The following CLASP1 variants were observed in gnomAD, a reference collection of about 807,000 sequenced individuals.
CLASP1 encodes the protein CLIP-associating protein 1.
A neutral mutation model predicts 192.3 loss-of-function variants in CLASP1; 38 were observed. The observed-to-expected ratio is 0.20, with a 90% CI of 0.15 to 0.26. The LOEUF is 0.26. Among genes scored for constraint, CLASP1 ranks in the 10% least tolerant of loss-of-function variants. The pLI is 1.00. For synonymous variants in CLASP1, 691 were observed against 712.8 expected (o/e 0.97, Z 0.49); for missense variants, 1,433 against 1,932.5 (o/e 0.74, Z 4.85).
intron 2 of CLASP1, among the ~76,000 whole-genome samples, chr2:121,538,240 C>T (rs1043598707): frequency 1.1e-4 from 13 of 118,642 alleles, no homozygotes; most frequent in African/African-American, 5.7e-4. Context: ...ATGGAGAAAC[C>T]CCGTCTCTAA....
intron 8 of CLASP1, among the ~76,000 whole-genome samples, chr2:121,474,527 G>A (rs1226355290): frequency 6.6e-6 from 1 of 152,174 alleles, no homozygotes; most frequent in East Asian, 1.9e-4. Flanking sequence ...ACGAGGTCAG[G>A]AGATAGAGAC....
chr2:121,478,739 A>C (rs1377165457), intron 8 of CLASP1, among the ~76,000 whole-genome samples: 19 of 60,380 alleles, frequency 3.1e-4, no homozygotes, highest in East Asian at 5.1e-4. Flanking sequence ...CCACACACAC[A>C]CCCCACACAC....
intron 19 of CLASP1, among the ~76,000 whole-genome samples, chr2:121,438,101 G>GT (rs1283509550): frequency 2.0e-5 from 3 of 152,158 alleles, no homozygotes; most frequent in South Asian, 2.1e-4. Flanking sequence ...ATAACACAGA[G>GT]TATGAACTCT....
At chr2:121,346,045 G>A (rs2063410747) in intron 39 of CLASP1, among the ~76,000 whole-genome samples, 1 of 152,248 alleles carries the variant, frequency 6.6e-6, no homozygotes, top group Admixed American at 6.5e-5. Flanking sequence ...GGCTCTGGCT[G>A]TTAATGCTCA....
chr2:121,363,419 AC>A lies in CLASP1; in HGVS notation c.4078-120del, dbSNP rs1048908931. On this transcript the variant is annotated intron_variant, in intron 36 of 39. Transcript: ENST00000263710. Reference sequence around the variant, plus strand: ...TCTGGGTTCCCTGGAACCTCGCAGAACCCTCTAAACAGATCACACAGTTCAC... The same window carrying A: ...TCTGGGTTCCCTGGAACCTCGCAGAACCTCTAAACAGATCACACAGTTCAC... The A allele has an allele frequency of 1.3e-5, 15 of 1,124,732 alleles. No homozygotes were observed. In the African/African-American group the frequency reaches 2.2e-4, roughly 16 times the overall value. The allele number at this position is 1,124,732 out of a possible 1,614,324, so 69.7% of individuals were successfully genotyped here.
chr2:121,551,206 A>C (rs2058010273), intron 2 of CLASP1, among the ~76,000 whole-genome samples: 1 of 152,086 alleles, frequency 6.6e-6, no homozygotes, highest in Non-Finnish European at 1.5e-5. Context: ...ACATACTTCG[A>C]AGTAACAGCC....
chr2:121,528,675 A>C lies in CLASP1; in HGVS notation c.378+2T>G. On this transcript the variant is annotated splice_donor_variant, in intron 4 of 39. Transcript: ENST00000263710. LOFTEE classifies it high-confidence loss of function. ...ACCTCAAAACACATCTCTTGCCCCTACCTGGGGATTAGCAGCTTGATCCAT... is the reference window on the plus strand; with the variant it reads ...ACCTCAAAACACATCTCTTGCCCCTCCCTGGGGATTAGCAGCTTGATCCAT... 1 of 1,613,644 alleles carries C rather than the reference A, an allele frequency of 6.2e-7. No homozygotes were observed. The highest frequency in any genetic ancestry group is 8.5e-7 in the Non-Finnish European group (1 of 1,179,570).
chr2:121,557,549 A>T (rs1305478556), intron 2 of CLASP1, among the ~76,000 whole-genome samples: 1 of 151,540 alleles, frequency 6.6e-6, no homozygotes, highest in Non-Finnish European at 1.5e-5. Context: ...GCACCACTGC[A>T]CTCCAGCCTA....
chr2:121,533,393 C>T (rs1391110055), intron 2 of CLASP1, among the ~76,000 whole-genome samples: 5 of 152,118 alleles, frequency 3.3e-5, no homozygotes, highest in Admixed American at 1.3e-4. Flanking sequence ...CTATAAAAAC[C>T]TCTTTGTGCC....
intron 32 of CLASP1, among the ~76,000 whole-genome samples, chr2:121,384,125 CATATATATGTATATATATAT>C (rs2072580356): frequency 7.5e-6 from 1 of 133,468 alleles, no homozygotes; most frequent in African/African-American, 2.7e-5. Flanking sequence ...TATATACACA[CATATATATGTATATATATAT>C]ACACACACAC....
At chr2:121,378,579 G>C (rs1464854980) in intron 33 of CLASP1, among the ~76,000 whole-genome samples, 1 of 152,030 alleles carries the variant, frequency 6.6e-6, no homozygotes, top group Non-Finnish European at 1.5e-5. Flanking sequence ...GAAAAGCATG[G>C]GATGGATATA....
At chr2:121,459,619 C>T (rs192171452) in intron 12 of CLASP1, 4 of 171,350 alleles carry the variant, frequency 2.3e-5, no homozygotes, top group Admixed American at 1.8e-4. Context: ...TTTATAACTA[C>T]AGTACTCTTC....
chr2:121,533,464 G>T (rs2094951877), intron 2 of CLASP1, among the ~76,000 whole-genome samples: 1 of 152,144 alleles, frequency 6.6e-6, no homozygotes, highest in African/African-American at 2.4e-5. Context: ...TTGTTGTGAG[G>T]GTTAAATAAA....
intron 34 of CLASP1, among the ~76,000 whole-genome samples, chr2:121,376,549 A>C (rs1028286520): frequency 1.3e-5 from 2 of 151,878 alleles, no homozygotes; most frequent in South Asian, 4.2e-4. Flanking sequence ...GGGGAGGAAA[A>C]CAGGCTGGTT....
chr2:121,630,860 CAA>C (rs35476221), intron 1 of CLASP1, among the ~76,000 whole-genome samples: 12 of 78,406 alleles, frequency 1.5e-4, no homozygotes, highest in Non-Finnish European at 2.2e-4. Context: ...AACTACGTCT[CAA>C]AAAAAAAAAA....
intron 7 of CLASP1, among the ~76,000 whole-genome samples, chr2:121,511,583 C>A: frequency 6.9e-6 from 1 of 145,344 alleles, no homozygotes; most frequent in South Asian, 2.1e-4. Flanking sequence ...AGCGAAACTC[C>A]ATCTCAAAAA....
chr2:121,340,815 G>A (rs538407996), exon 40 of CLASP1: 59 of 1,436,404 alleles, frequency 4.1e-5, no homozygotes, highest in Non-Finnish European at 5.3e-5. Flanking sequence ...TCTCTGAGAG[G>A]CACCACCGAT....
chr2:121,430,092 T>C, exon 20 of CLASP1: 1 of 1,568,948 alleles, frequency 6.4e-7, no homozygotes, highest in Non-Finnish European at 8.6e-7. Context: ...GTGAAACCAC[T>C]TTAGCGCGAC....
intron 23 of CLASP1, among the ~76,000 whole-genome samples, chr2:121,417,261 G>A (rs140260771): frequency 1.8e-4 from 27 of 152,218 alleles, no homozygotes; most frequent in Non-Finnish European, 4.0e-4. Context: ...GATTCCAAAG[G>A]ATGCTTCCAC....
Sources: allele counts gnomAD v4.1 joint callset (sites outside exome capture counted in the v4.1 genomes callset), GRCh38; gene constraint gnomAD v4.1.1; transcripts MANE v1.5; gene names NCBI Gene and HGNC (gene_info 2026-07-23, HGNC 2026-07-21).